The following ENOX2 variants were observed in gnomAD, a reference collection of about 807,000 sequenced individuals.
ENOX2 encodes APK1 antigen.
A neutral mutation model predicts 45.0 loss-of-function variants in ENOX2; 36 were observed. The ratio of observed to expected loss-of-function variants is 0.80; its 90% CI spans 0.61 to 1.06. The LOEUF (loss-of-function observed/expected upper bound fraction) is 1.06. ENOX2 is among the 50% of genes least tolerant of loss of function. The pLI is 0.00. For missense variants in ENOX2, 423 were observed against 462.5 expected (o/e 0.91, Z 0.78); for synonymous variants, 174 against 152.3 (o/e 1.14, Z -1.05).
At chrX:130,626,083 A>G (rs1231762281) in intron 14 of ENOX2, among the ~76,000 whole-genome samples, 3 of 111,709 alleles carry the variant, frequency 2.7e-5, no homozygotes, top group African/African-American at 9.8e-5. Flanking sequence ...GGTAAAGAGC[A>G]CCAGGGGATC....
chrX:130,782,990 A>T (rs2076918432), intron 3 of ENOX2, among the ~76,000 whole-genome samples: 1 of 112,124 alleles, frequency 8.9e-6, no homozygotes, highest in African/African-American at 3.2e-5. Flanking sequence ...TAAGAGAATT[A>T]TAAGGGCATA....
At chrX:130,902,178 T>C (rs1382032125) in intron 1 of ENOX2, among the ~76,000 whole-genome samples, 3 of 111,639 alleles carry the variant, frequency 2.7e-5, no homozygotes, top group African/African-American at 9.8e-5. Context: ...TTGCACACGT[T>C]TGTAATAATA....
intron 3 of ENOX2, among the ~76,000 whole-genome samples, chrX:130,733,881 A>C (rs2038800156): frequency 8.9e-6 from 1 of 112,116 alleles, no homozygotes; most frequent in Non-Finnish European, 1.9e-5. Flanking sequence ...GTTTTGTAAA[A>C]CGTTACTGGG....
chrX:130,774,755 A>G (rs1280665191), intron 3 of ENOX2, among the ~76,000 whole-genome samples: 1 of 112,171 alleles, frequency 8.9e-6, no homozygotes, highest in Non-Finnish European at 1.9e-5. Flanking sequence ...AGAGGATATG[A>G]GTTTGATTCC....
chrX:130,706,413 G>A (rs757662341), intron 3 of ENOX2, among the ~76,000 whole-genome samples: 1 of 111,607 alleles, frequency 9.0e-6, no homozygotes, highest in South Asian at 3.8e-4. Context: ...ATCATTTGAA[G>A]TAAGTCTTTA....
intron 2 of ENOX2, among the ~76,000 whole-genome samples, chrX:130,849,141 T>C (rs1445175133): frequency 8.9e-6 from 1 of 112,831 alleles, no homozygotes; most frequent in Non-Finnish European, 1.9e-5. Context: ...TAAAACCATT[T>C]TTAGTACAAC....
chrX:130,738,172 A>AC (rs1229691085), intron 3 of ENOX2, among the ~76,000 whole-genome samples: 1 of 112,280 alleles, frequency 8.9e-6, no homozygotes, highest in Non-Finnish European at 1.9e-5. Context: ...AATATTGTGT[A>AC]GTGTGTAGGT....
chrX:130,708,950 C>T (rs2038110370), intron 3 of ENOX2, among the ~76,000 whole-genome samples: 1 of 112,052 alleles, frequency 8.9e-6, no homozygotes, highest in Non-Finnish European at 1.9e-5. Flanking sequence ...TTCCCAATTA[C>T]AGACATACAA....
At chrX:130,860,603 C>G (rs764049887) in intron 2 of ENOX2, among the ~76,000 whole-genome samples, 2 of 111,570 alleles carry the variant, frequency 1.8e-5, no homozygotes, top group Non-Finnish European at 3.8e-5. Context: ...CCCCCTTTCA[C>G]ACACCATATC....
chrX:130,707,539 CACAG>C (rs1416605938), intron 3 of ENOX2, among the ~76,000 whole-genome samples: 3 of 109,773 alleles, frequency 2.7e-5, no homozygotes, highest in African/African-American at 1.0e-4. Context: ...CACACACACA[CACAG>C]ACACACACAC....
intron 2 of ENOX2, among the ~76,000 whole-genome samples, chrX:130,816,460 T>C (rs1159369303): frequency 1.8e-5 from 2 of 111,743 alleles, no homozygotes; most frequent in African/African-American, 6.5e-5. Context: ...ATCAACAGAA[T>C]ATACATTCTT....
At chrX:130,634,593 C>G (rs2035879593) in intron 12 of ENOX2, among the ~76,000 whole-genome samples, 1 of 111,975 alleles carries the variant, frequency 8.9e-6, no homozygotes, top group Admixed American at 9.5e-5. Flanking sequence ...GTGCTAGCTG[C>G]ACTTGTGTTT....
Position 130,781,941 on chromosome X carries a change from G to A in ENOX2, c.-39+1606C>T, listed in dbSNP as rs139162025. 3.9e-3 allele frequency among the ~76,000 whole-genome samples: 431 copies of A among 111,418 alleles called. 1 individual carries two copies. The highest frequency in any genetic ancestry group is 0.013 in the African/African-American group (411 of 30,649). On this transcript the variant is annotated intron_variant, in intron 3 of 14. Transcript: ENST00000394363. ...ATAATAACTAAAAGACCACCGCAGC[G>A]TAGAACAATTTAGTGTAGAGGTAAA...
chrX:130,658,926 A>G (rs1484105027), intron 9 of ENOX2, among the ~76,000 whole-genome samples: 2 of 112,267 alleles, frequency 1.8e-5, no homozygotes, highest in Non-Finnish European at 3.8e-5. Context: ...GGATATAAAC[A>G]CAGACCTTCA....
intron 2 of ENOX2, among the ~76,000 whole-genome samples, chrX:130,834,674 A>G (rs950086751): frequency 2.7e-5 from 3 of 111,550 alleles, no homozygotes; most frequent in Non-Finnish European, 3.8e-5. Flanking sequence ...GAATTTCTGC[A>G]AGCTGTTCTT....
At chrX:130,865,187 T>C (rs771302136) in intron 2 of ENOX2, among the ~76,000 whole-genome samples, 1 of 111,331 alleles carries the variant, frequency 9.0e-6, no homozygotes, top group South Asian at 3.8e-4. Flanking sequence ...AATTCTAAAG[T>C]AGTTATTCAT....
intron 2 of ENOX2, among the ~76,000 whole-genome samples, chrX:130,804,277 T>C (rs756864261): frequency 1.3e-4 from 15 of 112,132 alleles, no homozygotes; most frequent in African/African-American, 3.9e-4. Flanking sequence ...TCTATACTTA[T>C]ATTTAGTGTC....
chrX:130,887,538 T>G (rs1377474380), intron 2 of ENOX2, among the ~76,000 whole-genome samples: 1 of 111,251 alleles, frequency 9.0e-6, no homozygotes, highest in Non-Finnish European at 1.9e-5. Context: ...CAGTGGAAAA[T>G]CCAGGAGCCT....
chrX:130,793,818 G>A (rs191130165), intron 2 of ENOX2, among the ~76,000 whole-genome samples: 359 of 111,824 alleles, frequency 3.2e-3, no homozygotes, highest in African/African-American at 0.011. Context: ...TTTTTCCCTT[G>A]TCCAATTTAA....
Sources: allele counts gnomAD v4.1 joint callset (sites outside exome capture counted in the v4.1 genomes callset), GRCh38; gene constraint gnomAD v4.1.1; transcripts MANE v1.5; gene names NCBI Gene and HGNC (gene_info 2026-07-23, HGNC 2026-07-21).